CNTNAP2: variants seen among roughly 807,000 people sequenced by gnomAD.
CNTNAP2 encodes contactin-associated protein-like 2.
CNTNAP2 carries 98 observed loss-of-function variants against 155.2 expected under a neutral mutation model. The ratio of observed to expected loss-of-function variants is 0.63; its 90% CI spans 0.54 to 0.75. CNTNAP2 has a LOEUF of 0.75. CNTNAP2 is among the 30% of genes least tolerant of loss of function. The probability of loss-of-function intolerance (pLI) is 0.00; values close to 1 mark genes in which losing one functional copy is unlikely to be tolerated. For missense variants in CNTNAP2, 1,727 were observed against 1,688.1 expected (o/e 1.02, Z -0.40); for synonymous variants, 651 against 631.2 (o/e 1.03, Z -0.47).
At chr7:147,195,401 T>C (rs774984052) in intron 8 of CNTNAP2, among the ~76,000 whole-genome samples, 2 of 152,148 alleles carry the variant, frequency 1.3e-5, no homozygotes, top group Non-Finnish European at 2.9e-5. Context: ...CTTGGCTCTA[T>C]GGCGTCTTCT....
At chr7:146,804,507 A>C (rs1460489537) in intron 2 of CNTNAP2, among the ~76,000 whole-genome samples, 1 of 152,200 alleles carries the variant, frequency 6.6e-6, no homozygotes, top group Non-Finnish European at 1.5e-5. Flanking sequence ...TTTTGAATGG[A>C]AAACTAACAT....
chr7:146,765,547 T>C (rs10224959), intron 1 of CNTNAP2, among the ~76,000 whole-genome samples: 42,055 of 152,142 alleles, frequency 0.28, 10,241 homozygotes, highest in African/African-American at 0.66. Flanking sequence ...CAAGGTTGTG[T>C]TATGCTGCAT....
chr7:148,168,211 G>T (rs1805707557), intron 17 of CNTNAP2, among the ~76,000 whole-genome samples: 1 of 151,608 alleles, frequency 6.6e-6, no homozygotes, highest in Non-Finnish European at 1.5e-5. Context: ...CCCATTACTG[G>T]GTATATACCC....
rs150328719 is a variant in CNTNAP2 at position 146,471,789 on chromosome 7, A to G, written c.98-302482A>G. Among the ~76,000 whole-genome samples, 825 of 152,346 alleles carry G rather than the reference A, an allele frequency of 5.4e-3. 5 individuals are homozygous for G. In the Middle Eastern group the frequency reaches 0.061, roughly 11 times the overall value. On this transcript the variant is annotated intron_variant, in intron 1 of 23. Transcript: ENST00000361727. ...CCAGAAAATTGACTTTTTAATTCCTATAAGTGAGTGTTGGCTATTGCCTAA... is the reference window on the plus strand; with the variant it reads ...CCAGAAAATTGACTTTTTAATTCCTGTAAGTGAGTGTTGGCTATTGCCTAA...
intron 21 of CNTNAP2, among the ~76,000 whole-genome samples, chr7:148,344,146 C>T (rs1382842902): frequency 6.6e-6 from 1 of 152,160 alleles, no homozygotes; most frequent in Non-Finnish European, 1.5e-5. Flanking sequence ...CTCAGTCTCT[C>T]CTAGCAGATT....
chr7:147,536,817 C>T (rs973974290), intron 11 of CNTNAP2, among the ~76,000 whole-genome samples: 3 of 152,160 alleles, frequency 2.0e-5, no homozygotes, highest in African/African-American at 4.8e-5. Flanking sequence ...CTCATACTGC[C>T]TGATGCTACC....
chr7:147,918,679 G>C (rs1243338935), intron 14 of CNTNAP2, among the ~76,000 whole-genome samples: 4 of 152,096 alleles, frequency 2.6e-5, no homozygotes, highest in East Asian at 1.9e-4. Flanking sequence ...ATCAGGACTA[G>C]AGGAGGAAAA....
At chr7:148,364,994 C>T (rs984534860) in intron 21 of CNTNAP2, among the ~76,000 whole-genome samples, 3 of 152,202 alleles carry the variant, frequency 2.0e-5, no homozygotes, top group Non-Finnish European at 4.4e-5. Flanking sequence ...CCGAACACAT[C>T]TGAACATCAG....
At chr7:147,737,325 C>G (rs1246577404) in intron 13 of CNTNAP2, among the ~76,000 whole-genome samples, 1 of 152,164 alleles carries the variant, frequency 6.6e-6, no homozygotes, top group Non-Finnish European at 1.5e-5. Context: ...GCAGCAGAGG[C>G]TGCAGAACAG....
chr7:146,163,569 A>ATATC (rs149621233), intron 1 of CNTNAP2, among the ~76,000 whole-genome samples: 2,185 of 106,630 alleles, frequency 0.02, 61 homozygotes, highest in African/African-American at 0.07. Flanking sequence ...ATATCTATCT[A>ATATC]TATCTATCTA....
At chr7:146,783,983 T>C (rs1802532752) in intron 2 of CNTNAP2, among the ~76,000 whole-genome samples, 1 of 152,228 alleles carries the variant, frequency 6.6e-6, no homozygotes, top group Non-Finnish European at 1.5e-5. Flanking sequence ...AGAAATATAG[T>C]CGTATCTCCC....
rs1389676370 is a variant in CNTNAP2 at position 147,121,358 on chromosome 7, C to T, written c.939+195C>T. 1.3e-5 allele frequency: 7 copies of T among 554,042 alleles called. No individual in the cohort carries two copies. In the Admixed American group the frequency reaches 1.3e-4, roughly 10 times the overall value. 34.3% of individuals were successfully genotyped at this position (554,042 alleles called of 1,614,324 possible). ...AAATTTATAATCATGAGTACTTGAA[C>T]TATTATAAAAATCTTAGTACCAATG... On this transcript the variant is annotated intron_variant, in intron 6 of 23. Transcript: ENST00000361727.
intron 13 of CNTNAP2, among the ~76,000 whole-genome samples, chr7:147,770,466 C>A (rs772257921): frequency 6.6e-6 from 1 of 151,998 alleles, no homozygotes; most frequent in Non-Finnish European, 1.5e-5. Flanking sequence ...TTAAAATATG[C>A]GCTAATGGCG....
At chr7:148,025,664 A>T (rs1802361550) in intron 15 of CNTNAP2, among the ~76,000 whole-genome samples, 1 of 152,112 alleles carries the variant, frequency 6.6e-6, no homozygotes, top group African/African-American at 2.4e-5. Context: ...TTCTTTCTTG[A>T]TTATTTAATC....
chr7:147,897,246 G>A (rs920414403), intron 13 of CNTNAP2, among the ~76,000 whole-genome samples: 1 of 152,170 alleles, frequency 6.6e-6, no homozygotes. Context: ...ATTACTGTCT[G>A]CAATGAAAAT....
At chr7:146,722,709 A>AC (rs199521086) in intron 1 of CNTNAP2, among the ~76,000 whole-genome samples, 1,547 of 150,348 alleles carry the variant, frequency 0.01, 25 homozygotes, top group African/African-American at 0.037. Context: ...ACACACACAC[A>AC]AAATATATAT....
chr7:147,946,590 G>T (rs1318610624), intron 14 of CNTNAP2, among the ~76,000 whole-genome samples: 3 of 152,088 alleles, frequency 2.0e-5, no homozygotes, highest in Non-Finnish European at 4.4e-5. Flanking sequence ...AAAGAGGGTG[G>T]AATTGTGCTG....
At chr7:146,580,108 A>G (rs1269884379) in intron 1 of CNTNAP2, among the ~76,000 whole-genome samples, 1 of 152,144 alleles carries the variant, frequency 6.6e-6, no homozygotes, top group African/African-American at 2.4e-5. Context: ...TGACTTTTTT[A>G]TTAAACCCTA....
intron 13 of CNTNAP2, among the ~76,000 whole-genome samples, chr7:147,781,349 T>C (rs1219658586): frequency 6.6e-6 from 1 of 152,142 alleles, no homozygotes; most frequent in Non-Finnish European, 1.5e-5. Flanking sequence ...CCTGTGGTAA[T>C]GGCAAATAAG....
Sources: allele counts gnomAD v4.1 joint callset (sites outside exome capture counted in the v4.1 genomes callset), GRCh38; gene constraint gnomAD v4.1.1; transcripts MANE v1.5; gene names NCBI Gene and HGNC (gene_info 2026-07-23, HGNC 2026-07-21).